The following GRM7 variants were observed in gnomAD, a reference collection of about 807,000 sequenced individuals.
The protein encoded by GRM7 is metabotropic glutamate receptor 7.
A neutral mutation model predicts 84.5 loss-of-function variants in GRM7; 35 were observed. The observed-to-expected ratio is 0.41, with a 90% CI of 0.32 to 0.55. GRM7 has a LOEUF of 0.55. Ranked by LOEUF, GRM7 falls within the 20% of genes least tolerant of loss-of-function variation. GRM7 has a pLI of 0.19. For synonymous variants in GRM7, 487 were observed against 455.1 expected (o/e 1.07, Z -0.89); for missense variants, 1,003 against 1,194.6 (o/e 0.84, Z 2.36).
At chr3:7,731,296 A>C (rs984056882) in intron 9 of GRM7, among the ~76,000 whole-genome samples, 5 of 152,154 alleles carry the variant, frequency 3.3e-5, no homozygotes, top group Non-Finnish European at 7.4e-5. Flanking sequence ...GAGAATACTG[A>C]AAAAAGGGAT....
In GRM7 at chr3:7,438,398, C is replaced by T. The variant is rs575293063; in HGVS notation, c.1175-14209C>T. 9.6e-4 allele frequency among the ~76,000 whole-genome samples: 146 copies of T among 151,930 alleles called. 2 individuals are homozygous for T. Among genetic ancestry groups the T allele is most frequent in the African/African-American group, 3.2e-3 (133 of 41,428 alleles). On this transcript the variant is annotated intron_variant, in intron 5 of 9. Coordinates refer to ENST00000357716, the MANE Select transcript of GRM7 (RefSeq NM_000844.4). ...GCAATCATGACACCCCCATTTCTGG[C>T]GTACACAGCTGAATGTATCAGTGAG...
At position 7,525,195 on chromosome 3, in the gene GRM7, G is replaced by C. The variant is rs182650483; in HGVS notation, c.1516-53227G>C. On this transcript the variant is annotated intron_variant, in intron 7 of 9. Coordinates refer to ENST00000357716, the MANE Select transcript of GRM7 (RefSeq NM_000844.4). ...ACGAGTTAATGGGTGCAGCACACCA[G>C]CATGGCACATGTATACATATGTAAC... Among the ~76,000 whole-genome samples the C allele has an allele frequency of 4.6e-4, 70 of 151,896 alleles. No individual in the cohort carries two copies. The East Asian group carries it at 0.012, about 26-fold the overall frequency.
chr3:7,697,164 A>C (rs1037211888), intron 9 of GRM7, among the ~76,000 whole-genome samples: 7 of 152,230 alleles, frequency 4.6e-5, no homozygotes, highest in African/African-American at 1.7e-4. Context: ...ATAAAATAGC[A>C]TCAATGAGTT....
At chr3:6,958,725 T>C (rs1218147578) in intron 1 of GRM7, among the ~76,000 whole-genome samples, 1 of 152,168 alleles carries the variant, frequency 6.6e-6, no homozygotes, top group Non-Finnish European at 1.5e-5. Context: ...ACCAATTTCA[T>C]ACCCTAAAAT....
chr3:7,165,910 T>A (rs911248862), intron 2 of GRM7, among the ~76,000 whole-genome samples: 1 of 152,230 alleles, frequency 6.6e-6, no homozygotes, highest in African/African-American at 2.4e-5. Flanking sequence ...GTAAATTAAA[T>A]TTTGCTTTTC....
chr3:7,322,327 T>A (rs1378332476), intron 4 of GRM7, among the ~76,000 whole-genome samples: 1 of 152,142 alleles, frequency 6.6e-6, no homozygotes, highest in Non-Finnish European at 1.5e-5. Flanking sequence ...ATATATCTGC[T>A]GAAATTTGGA....
At chr3:7,168,172 C>A (rs1694866794) in intron 2 of GRM7, among the ~76,000 whole-genome samples, 1 of 152,026 alleles carries the variant, frequency 6.6e-6, no homozygotes, top group Non-Finnish European at 1.5e-5. Flanking sequence ...CATTTATAAG[C>A]ATTGCCTTTT....
Position 6,876,133 on chromosome 3 carries a change from C to A in GRM7, c.519+14226C>A, listed in dbSNP as rs927126193. 3.9e-5 allele frequency among the ~76,000 whole-genome samples: 6 copies of A among 151,950 alleles called. 1 individual carries two copies. The highest frequency in any genetic ancestry group is 3.3e-4 in the Admixed American group (5 of 15,238). On this transcript the variant is annotated intron_variant, in intron 1 of 9. Transcript: ENST00000357716. ...AAATATAAAAATTATCCGGGCATGG[C>A]GGCGGGTACCTGCGATCCCAGTTAC... is the stretch of plus-strand genomic sequence containing the variant.
chr3:7,286,189 A>G (rs1387218115), intron 2 of GRM7, among the ~76,000 whole-genome samples: 1 of 152,208 alleles, frequency 6.6e-6, no homozygotes, highest in African/African-American at 2.4e-5. Context: ...TGTAACCTAA[A>G]TTAAAACCCA....
At chr3:7,703,340 G>A (rs765745879) in intron 9 of GRM7, among the ~76,000 whole-genome samples, 10 of 152,218 alleles carry the variant, frequency 6.6e-5, no homozygotes, top group Admixed American at 2.6e-4. Flanking sequence ...TAAGTCCGAT[G>A]CATGCTACTG....
At chr3:7,372,119 G>A (rs536629049) in intron 4 of GRM7, among the ~76,000 whole-genome samples, 10 of 152,228 alleles carry the variant, frequency 6.6e-5, no homozygotes, top group East Asian at 3.9e-4. Context: ...GAAGTAGGGC[G>A]GGAGAGGTGG....
chr3:7,450,074 T>C (rs1697703426), intron 5 of GRM7, among the ~76,000 whole-genome samples: 1 of 151,496 alleles, frequency 6.6e-6, no homozygotes. Flanking sequence ...TTAATATATC[T>C]AATTAAATTT....
intron 8 of GRM7, among the ~76,000 whole-genome samples, chr3:7,604,668 T>C (rs894082124): frequency 1.3e-5 from 2 of 152,192 alleles, no homozygotes; most frequent in Non-Finnish European, 2.9e-5. Context: ...TAAAATATGA[T>C]ATACCAGGCA....
intron 2 of GRM7, among the ~76,000 whole-genome samples, chr3:7,179,958 C>G (rs575567721): frequency 6.6e-6 from 1 of 152,264 alleles, no homozygotes; most frequent in African/African-American, 2.4e-5. Context: ...GTATCAGTGA[C>G]CTTAAGAAGT....
intron 1 of GRM7, among the ~76,000 whole-genome samples, chr3:6,882,400 G>T (rs1246604589): frequency 6.6e-6 from 1 of 152,092 alleles, no homozygotes; most frequent in Admixed American, 6.6e-5. Flanking sequence ...AAAAGTATAA[G>T]CCAGGCATGG....
intron 9 of GRM7, among the ~76,000 whole-genome samples, chr3:7,735,706 C>A (rs1351438577): frequency 6.6e-6 from 1 of 152,144 alleles, no homozygotes; most frequent in Non-Finnish European, 1.5e-5. Context: ...TTAGATGGGG[C>A]AGGTGATTTC....
Position 7,186,086 on chromosome 3 carries a change from G to A in GRM7, c.736+39418G>A, listed in dbSNP as rs117231695. Reference sequence around the variant, plus strand: ...GCTGCTTAGCATAGATATGTCTTCCGTCATCAGCAGACAAAGCCTACTCTC... The same window carrying A: ...GCTGCTTAGCATAGATATGTCTTCCATCATCAGCAGACAAAGCCTACTCTC... On this transcript the variant is annotated intron_variant, in intron 2 of 9. Transcript: ENST00000357716. Among the ~76,000 whole-genome samples, 807 of 152,218 alleles carry A rather than the reference G, an allele frequency of 5.3e-3. 50 individuals carry two copies. In the East Asian group the frequency reaches 0.12, roughly 22 times the overall value.
At chr3:7,690,975 T>C (rs1042490353) in intron 9 of GRM7, 3 of 325,538 alleles carry the variant, frequency 9.2e-6, no homozygotes, top group Non-Finnish European at 1.8e-5. Context: ...ATCTTCCCAA[T>C]ATTCAAGAGA....
chr3:7,154,375 G>A (rs535816224), intron 2 of GRM7, among the ~76,000 whole-genome samples: 1 of 152,280 alleles, frequency 6.6e-6, no homozygotes, highest in East Asian at 1.9e-4. Flanking sequence ...TTTGCCATGG[G>A]ACTAGAAATA....
Sources: allele counts gnomAD v4.1 joint callset (sites outside exome capture counted in the v4.1 genomes callset), GRCh38; gene constraint gnomAD v4.1.1; transcripts MANE v1.5; gene names NCBI Gene and HGNC (gene_info 2026-07-23, HGNC 2026-07-21).